The following TAFA4 variants were observed in gnomAD, a reference collection of about 807,000 sequenced individuals.
TAFA4 encodes chemokine-like protein TAFA-4.
A neutral mutation model predicts 21.1 loss-of-function variants in TAFA4; 20 were observed. That is an observed-to-expected ratio of 0.95 (90% CI 0.67 to 1.38). The LOEUF is 1.38. Among genes scored for constraint, TAFA4 ranks in the 40% most tolerant of loss-of-function variants. The pLI, the probability that TAFA4 is intolerant of heterozygous loss-of-function variation, is 0.00. For missense variants in TAFA4, 211 were observed against 180.9 expected (o/e 1.17, Z -0.95); for synonymous variants, 71 against 67.4 (o/e 1.05, Z -0.26).
chr3:68,754,507 G>C (rs917852854), intron 3 of TAFA4, among the ~76,000 whole-genome samples: 5 of 152,134 alleles, frequency 3.3e-5, no homozygotes, highest in Non-Finnish European at 7.3e-5. Flanking sequence ...TGTCCCAGAA[G>C]TGATTCTATA....
At chr3:68,851,567 T>G (rs750886333) in intron 3 of TAFA4, among the ~76,000 whole-genome samples, 9 of 152,136 alleles carry the variant, frequency 5.9e-5, no homozygotes, top group East Asian at 1.9e-4. Context: ...AAGAGAGAGA[T>G]ATTTTAGCCA....
intron 3 of TAFA4, among the ~76,000 whole-genome samples, chr3:68,801,319 G>T (rs1368157132): frequency 6.6e-6 from 1 of 152,082 alleles, no homozygotes; most frequent in Admixed American, 6.6e-5. Flanking sequence ...TGTCTAACTG[G>T]CCATCATAGC....
At chr3:68,827,250 G>C (rs754741208) in intron 3 of TAFA4, among the ~76,000 whole-genome samples, 7 of 152,058 alleles carry the variant, frequency 4.6e-5, no homozygotes, top group Non-Finnish European at 1.0e-4. Context: ...ATTTCATGGC[G>C]TGTATGTGCC....
intron 3 of TAFA4, among the ~76,000 whole-genome samples, chr3:68,764,291 T>C (rs759031685): frequency 2.6e-5 from 4 of 151,972 alleles, no homozygotes; most frequent in Non-Finnish European, 4.4e-5. Context: ...GTCTGCAAGC[T>C]AGGAAGAGAG....
chr3:68,733,093 G>C lies in TAFA4; in HGVS notation c.*49C>G. On this transcript the variant is annotated 3_prime_UTR_variant, in exon 6 of 6. Coordinates refer to ENST00000295569, the MANE Select transcript of TAFA4 (RefSeq NM_182522.5). Reference sequence around the variant, plus strand: ...CCATGATGGGAATCCAAGCAAAAGAGCTCCGCCTCCTGCTGCCCCTCCAGG... The same window carrying C: ...CCATGATGGGAATCCAAGCAAAAGACCTCCGCCTCCTGCTGCCCCTCCAGG... The C allele has an allele frequency of 6.2e-7, 1 of 1,610,916 alleles. No homozygotes were observed. The highest frequency in any genetic ancestry group is 1.1e-5 in the South Asian group (1 of 90,820).
intron 1 of TAFA4, among the ~76,000 whole-genome samples, chr3:68,917,540 G>A (rs912448244): frequency 2.0e-5 from 3 of 151,828 alleles, no homozygotes; most frequent in Admixed American, 2.0e-4. Context: ...AGATCACGAG[G>A]TCAGGAGCTC....
chr3:68,900,240 T>TAA (rs2089831337), intron 1 of TAFA4, among the ~76,000 whole-genome samples: 1 of 132,840 alleles, frequency 7.5e-6, no homozygotes, highest in Non-Finnish European at 1.6e-5. Flanking sequence ...AGACTCTCTC[T>TAA]TAATAATAAT....
chr3:68,842,173 A>T (rs984631067), intron 3 of TAFA4, among the ~76,000 whole-genome samples: 1 of 152,196 alleles, frequency 6.6e-6, no homozygotes, highest in African/African-American at 2.4e-5. Context: ...ACAGTGTAAA[A>T]GCCTTCCTAT....
At chr3:68,898,843 T>G (rs1235281133) in intron 1 of TAFA4, among the ~76,000 whole-genome samples, 2 of 152,124 alleles carry the variant, frequency 1.3e-5, no homozygotes, top group South Asian at 4.1e-4. Context: ...ATATTAGTGG[T>G]AGACTCAGGA....
At chr3:68,876,871 A>G (rs372829686) in intron 3 of TAFA4, among the ~76,000 whole-genome samples, 1 of 152,322 alleles carries the variant, frequency 6.6e-6, no homozygotes, top group East Asian at 1.9e-4. Flanking sequence ...AAGCAAACAC[A>G]GTTCTCAGCA....
intron 3 of TAFA4, among the ~76,000 whole-genome samples, chr3:68,809,858 A>G (rs1157686285): frequency 6.6e-6 from 1 of 152,180 alleles, no homozygotes; most frequent in Non-Finnish European, 1.5e-5. Context: ...ACCTTTGTCA[A>G]AAATCATTGG....
intron 5 of TAFA4, among the ~76,000 whole-genome samples, chr3:68,737,274 G>A (rs535791834): frequency 6.6e-6 from 1 of 152,224 alleles, no homozygotes; most frequent in East Asian, 1.9e-4. Context: ...AATGGGACAA[G>A]GGAAAGATAG....
chr3:68,918,088 GACA>G (rs1382632542), intron 1 of TAFA4, among the ~76,000 whole-genome samples: 1 of 151,998 alleles, frequency 6.6e-6, no homozygotes, highest in African/African-American at 2.4e-5. Flanking sequence ...TCTCTCATGA[GACA>G]ACATTTGAGA....
At chr3:68,757,519 G>A (rs558265133) in intron 3 of TAFA4, among the ~76,000 whole-genome samples, 2 of 152,220 alleles carry the variant, frequency 1.3e-5, no homozygotes, top group Admixed American at 6.5e-5. Flanking sequence ...ACCCCACTAA[G>A]AAAATGAAAA....
At chr3:68,764,092 T>C (rs13433979) in intron 3 of TAFA4, among the ~76,000 whole-genome samples, 71,474 of 151,830 alleles carry the variant, frequency 0.47, 17,222 homozygotes, top group African/African-American at 0.53. Flanking sequence ...ATGTTGAAAC[T>C]CTAGCCCTCA....
At chr3:68,891,776 A>T (rs1325321689) in intron 1 of TAFA4, among the ~76,000 whole-genome samples, 1 of 152,160 alleles carries the variant, frequency 6.6e-6, no homozygotes, top group African/African-American at 2.4e-5. Flanking sequence ...CCATTCTGGG[A>T]TAATCAATAG....
chr3:68,821,935 T>C lies in TAFA4; in HGVS notation c.130+58795A>G, dbSNP rs75691238. Among the ~76,000 whole-genome samples, 1,167 of 152,340 alleles carry C rather than the reference T, an allele frequency of 7.7e-3. 10 individuals are homozygous for C. The highest frequency in any genetic ancestry group is 0.027 in the African/African-American group (1,112 of 41,574). The stretch of plus-strand genomic sequence containing the variant: ...TTAAAAAGGTATTTGCAAATGCTTC[T>C]CCGGTAATTCTGCAATGGAAACCGC... On this transcript the variant is annotated intron_variant, in intron 3 of 5. Coordinates refer to ENST00000295569, the MANE Select transcript of TAFA4 (RefSeq NM_182522.5).
intron 3 of TAFA4, among the ~76,000 whole-genome samples, chr3:68,805,572 T>C: frequency 6.6e-6 from 1 of 152,094 alleles, no homozygotes; most frequent in Non-Finnish European, 1.5e-5. Context: ...CCAACAACGA[T>C]AGACTGGATT....
Position 68,918,132 on chromosome 3 carries a change from T to TACAC in TAFA4, c.-123+14104_-123+14107dup, listed in dbSNP as rs71618251. Among the ~76,000 whole-genome samples the TACAC allele has an allele frequency of 3.8e-3, 571 of 148,838 alleles. 1 individual carries two copies. Among genetic ancestry groups the TACAC allele is most frequent in the East Asian group, 7.4e-3 (36 of 4,834 alleles). ...ATAATGAGAGGAAGCCAGACACACATACACACACACACACACACACACAAA... is the reference window on the plus strand; with the variant it reads ...ATAATGAGAGGAAGCCAGACACACATACACACACACACACACACACACACACAAA... On this transcript the variant is annotated intron_variant, in intron 1 of 5. Coordinates refer to ENST00000295569, the MANE Select transcript of TAFA4 (RefSeq NM_182522.5).
Sources: gnomAD v4.1 joint callset for allele counts (sites outside exome capture counted in the v4.1 genomes callset) on GRCh38, gnomAD v4.1.1 for gene constraint, MANE v1.5 for transcripts, NCBI Gene and HGNC (gene_info 2026-07-23, HGNC 2026-07-21) for gene names.